LSAMP: variants seen among roughly 807,000 people sequenced by gnomAD.
LSAMP encodes limbic system-associated membrane protein.
In LSAMP, 7 loss-of-function variants were observed where a neutral mutation model predicts 38.6. The observed-to-expected ratio is 0.18, with a 90% confidence interval of 0.10 to 0.34. The LOEUF (loss-of-function observed/expected upper bound fraction) is 0.34. Ranked by LOEUF, LSAMP falls within the 10% of genes least tolerant of loss-of-function variation. The pLI is 1.00. For missense variants in LSAMP, 313 were observed against 420.0 expected (o/e 0.75, Z 2.23); for synonymous variants, 154 against 166.8 (o/e 0.92, Z 0.59).
intron 1 of LSAMP, among the ~76,000 whole-genome samples, chr3:116,194,219 C>T (rs939651655): frequency 2.0e-5 from 3 of 152,108 alleles, no homozygotes; most frequent in African/African-American, 7.2e-5. Context: ...TGGACAAATG[C>T]TCATGGCTCC....
chr3:116,331,235 C>G (rs1274444494), intron 1 of LSAMP, among the ~76,000 whole-genome samples: 2 of 152,014 alleles, frequency 1.3e-5, no homozygotes, highest in African/African-American at 4.8e-5. Flanking sequence ...ATGAAGAAAA[C>G]AGAACAGAAC....
At chr3:116,015,975 A>G (rs758390625) in intron 3 of LSAMP, among the ~76,000 whole-genome samples, 7 of 151,756 alleles carry the variant, frequency 4.6e-5, no homozygotes, top group Non-Finnish European at 1.0e-4. Context: ...CACACTCTGT[A>G]CTGTTGAAGA....
intron 1 of LSAMP, among the ~76,000 whole-genome samples, chr3:116,223,350 C>A (rs1240948650): frequency 6.6e-6 from 1 of 152,070 alleles, no homozygotes; most frequent in African/African-American, 2.4e-5. Context: ...TTACACTATA[C>A]CAGGAACTGT....
At chr3:115,873,378 GAA>G (rs61243191) in intron 3 of LSAMP, among the ~76,000 whole-genome samples, 41 of 119,388 alleles carry the variant, frequency 3.4e-4, no homozygotes, top group African/African-American at 8.9e-4. Context: ...GTGAGGCTCT[GAA>G]AAAAAAAAAA....
At chr3:116,140,131 G>A (rs1709338037) in intron 1 of LSAMP, among the ~76,000 whole-genome samples, 1 of 151,968 alleles carries the variant, frequency 6.6e-6, no homozygotes, top group African/African-American at 2.4e-5. Flanking sequence ...CTTATGGCAT[G>A]ACAGAAAGGG....
chr3:115,833,077 T>C (rs1383373860), intron 6 of LSAMP, among the ~76,000 whole-genome samples: 1 of 152,190 alleles, frequency 6.6e-6, no homozygotes, highest in Admixed American at 6.6e-5. Context: ...TCATCTCAGA[T>C]GGGGCACGAC....
chr3:116,420,925 A>G (rs867035352), intron 1 of LSAMP, among the ~76,000 whole-genome samples: 3 of 152,332 alleles, frequency 2.0e-5, no homozygotes, highest in Middle Eastern at 3.4e-3. Flanking sequence ...AAGCAATTAT[A>G]TAGAGGAAAG....
In LSAMP at chr3:115,841,921, A is replaced by G. The variant is rs747536416; in HGVS notation, c.843T>C (p.Thr281=). The change falls in exon 6 of 7, where the codon ACT becomes ACC. Residue 281 remains threonine, a synonymous_variant. Coordinates refer to ENST00000490035, the MANE Select transcript of LSAMP (RefSeq NM_002338.5). ...GQSSLTVTNV[T]EEHYGNYTCV... is the part of the protein sequence containing the mutation. ...AGGTGTAGTTGCCGTAGTGCTCCTC[A>G]GTGACGTTGGTCACCGTCAGGGAAG... 22 of 1,613,830 alleles carry G rather than the reference A, an allele frequency of 1.4e-5. No individual in the cohort carries two copies. The highest frequency in any genetic ancestry group is 1.6e-5 in the Non-Finnish European group (19 of 1,180,000).
intron 3 of LSAMP, among the ~76,000 whole-genome samples, chr3:115,910,105 G>T (rs888999633): frequency 6.6e-6 from 1 of 152,000 alleles, no homozygotes; most frequent in Non-Finnish European, 1.5e-5. Flanking sequence ...AGAAAACATT[G>T]TTCTTATTCC....
intron 1 of LSAMP, among the ~76,000 whole-genome samples, chr3:116,359,040 T>C (rs2048265727): frequency 6.6e-6 from 1 of 152,190 alleles, no homozygotes; most frequent in Non-Finnish European, 1.5e-5. Flanking sequence ...CTAAACCTAG[T>C]TTCTACGAAA....
At chr3:115,907,669 A>G (rs1282488534) in intron 3 of LSAMP, among the ~76,000 whole-genome samples, 2 of 152,198 alleles carry the variant, frequency 1.3e-5, no homozygotes, top group Non-Finnish European at 2.9e-5. Context: ...AGGAACAGCC[A>G]AATAGCAAAA....
chr3:116,019,753 G>A, intron 2 of LSAMP, 113 bp from the exon 3 acceptor site: 3 of 1,192,364 alleles, frequency 2.5e-6, no homozygotes, highest in Non-Finnish European at 3.6e-6. Flanking sequence ...GAATTTCTGT[G>A]TTAAGAAGTA....
intron 1 of LSAMP, among the ~76,000 whole-genome samples, chr3:116,211,460 A>C (rs2046155109): frequency 6.6e-6 from 1 of 152,206 alleles, no homozygotes; most frequent in African/African-American, 2.4e-5. Flanking sequence ...CGTTAATATA[A>C]ACAATTGTTA....
rs568401010 is a variant in LSAMP at position 116,320,552 on chromosome 3, T to C, written c.155+124325A>G. Among the ~76,000 whole-genome samples the C allele has an allele frequency of 6.6e-5, 10 of 152,350 alleles. No individual in the cohort carries two copies. In the East Asian group the frequency reaches 1.5e-3, roughly 24 times the overall value. On this transcript the variant is annotated intron_variant, in intron 1 of 6. Transcript: ENST00000490035. ...GATTCTCCTAGGGTGTTGTACCATATAGCTGATTGTGTTGCTCAGAAATCC... is the reference window on the plus strand; with the variant it reads ...GATTCTCCTAGGGTGTTGTACCATACAGCTGATTGTGTTGCTCAGAAATCC...
At position 115,942,281 on chromosome 3, in the gene LSAMP, C is replaced by A. The variant is rs149140798; in HGVS notation, c.514+77234G>T. 5.5e-4 allele frequency among the ~76,000 whole-genome samples: 84 copies of A among 152,244 alleles called. No homozygotes were observed. In the East Asian group the frequency reaches 0.012, roughly 21 times the overall value. ...ATGTTGCCCAGCTTCAAGTGTGTGT[C>A]CTTGCTGATTTCTCCTTTATATAGA... On this transcript the variant is annotated intron_variant, in intron 3 of 6. Coordinates refer to ENST00000490035, the MANE Select transcript of LSAMP (RefSeq NM_002338.5).
At chr3:116,404,610 AATG>A (rs2048878355) in intron 1 of LSAMP, among the ~76,000 whole-genome samples, 1 of 152,150 alleles carries the variant, frequency 6.6e-6, no homozygotes, top group African/African-American at 2.4e-5. Context: ...TTATTATTAC[AATG>A]ATAATGATGA....
intron 3 of LSAMP, among the ~76,000 whole-genome samples, chr3:115,874,424 T>A (rs1222721111): frequency 6.6e-6 from 1 of 152,148 alleles, no homozygotes; most frequent in African/African-American, 2.4e-5. Context: ...AAAAATTTGT[T>A]CATGCGGTGA....
intron 3 of LSAMP, among the ~76,000 whole-genome samples, chr3:115,899,177 T>A (rs372716436): frequency 6.6e-6 from 1 of 152,088 alleles, no homozygotes; most frequent in Non-Finnish European, 1.5e-5. Context: ...AAGAATAACA[T>A]TTTTAGCTAG....
chr3:116,200,122 ACACACAG>A (rs2045970167), intron 1 of LSAMP, among the ~76,000 whole-genome samples: 5 of 127,600 alleles, frequency 3.9e-5, no homozygotes, highest in Non-Finnish European at 8.8e-5. Context: ...ACACACACAC[ACACACAG>A]CTACATGTAT....
Sources: gnomAD v4.1 joint callset for allele counts (sites outside exome capture counted in the v4.1 genomes callset) on GRCh38, gnomAD v4.1.1 for gene constraint, MANE v1.5 for transcripts, NCBI Gene and HGNC (gene_info 2026-07-23, HGNC 2026-07-21) for gene names.